Variants in TET1 observed in about 807,000 individuals in gnomAD.
The protein encoded by TET1 is methylcytosine dioxygenase TET1.
Under a neutral mutation model 148.7 loss-of-function variants are expected in TET1, and 13 were observed. That is an observed-to-expected ratio of 0.09 (90% CI 0.06 to 0.14). The LOEUF (loss-of-function observed/expected upper bound fraction) is 0.14. Ranked by LOEUF, TET1 falls within the 10% of genes least tolerant of loss-of-function variation. The probability of loss-of-function intolerance (pLI) is 1.00; values close to 1 mark genes in which losing one functional copy is unlikely to be tolerated. For synonymous variants in TET1, 907 were observed against 937.2 expected (o/e 0.97, Z 0.59); for missense variants, 2,182 against 2,553.8 (o/e 0.85, Z 3.14).
intron 6 of TET1, among the ~76,000 whole-genome samples, chr10:68,663,611 C>T (rs1246266739): frequency 6.6e-6 from 1 of 152,044 alleles, no homozygotes; most frequent in East Asian, 1.9e-4. Context: ...TCAAATAGGA[C>T]TGTAGAACAA....
At chr10:68,597,556 A>T (rs181069882) in intron 2 of TET1, among the ~76,000 whole-genome samples, 2 of 152,316 alleles carry the variant, frequency 1.3e-5, no homozygotes, top group Middle Eastern at 3.4e-3. Flanking sequence ...TATGGTAAAC[A>T]ATTTGGTAGT....
Position 68,693,007 on chromosome 10 carries a change from A to T in TET1, c.*1193A>T. ...CCTACTATCATCACATGCCTCCCCAACCCCAAGTCAAAAACAAGAGGAATG... is the reference window on the plus strand; with the variant it reads ...CCTACTATCATCACATGCCTCCCCATCCCCAAGTCAAAAACAAGAGGAATG... On this transcript the variant is annotated 3_prime_UTR_variant, in exon 12 of 12. Transcript: ENST00000373644. 1 of 230,352 alleles carries T rather than the reference A, an allele frequency of 4.3e-6. No individual in the cohort carries two copies. The highest frequency in any genetic ancestry group is 6.2e-5 in the East Asian group (1 of 16,260). The allele number at this position is 230,352 out of a possible 1,614,324, so 14.3% of individuals were successfully genotyped here. A position where few individuals can be genotyped will look rare whatever the true frequency, so the allele number is the denominator to read the frequency against.
At position 68,693,321 on chromosome 10, in the gene TET1, G is replaced by A. The variant is rs1447469481; in HGVS notation, c.*1507G>A. ...GCAGAGGTGCTATAACATTCAAAGT[G>A]TCAGATTCCTTGGGAGTATGGAAAA... On this transcript the variant is annotated 3_prime_UTR_variant, in exon 12 of 12. Coordinates refer to ENST00000373644, the MANE Select transcript of TET1 (RefSeq NM_030625.3). 1 of 233,060 alleles carries A rather than the reference G, an allele frequency of 4.3e-6. No individual in the cohort carries two copies. The highest frequency in any genetic ancestry group is 6.1e-5 in the East Asian group (1 of 16,496). The allele number at this position is 233,060 out of a possible 1,614,324, so 14.4% of individuals were successfully genotyped here.
intron 3 of TET1, among the ~76,000 whole-genome samples, chr10:68,642,045 A>T (rs1281243140): frequency 2.0e-5 from 3 of 152,226 alleles, no homozygotes; most frequent in African/African-American, 7.2e-5. Context: ...AAGTTTTCAA[A>T]TGTGTATACA....
chr10:68,626,129 A>AAGAC (rs1176997241), intron 3 of TET1, among the ~76,000 whole-genome samples: 1 of 148,872 alleles, frequency 6.7e-6, no homozygotes, highest in African/African-American at 2.5e-5. Flanking sequence ...AAGAAAAGAA[A>AAGAC]ATACTTAAAG....
At chr10:68,639,466 CTAT>C (rs76248128) in intron 3 of TET1, among the ~76,000 whole-genome samples, 51 of 113,158 alleles carry the variant, frequency 4.5e-4, no homozygotes, top group African/African-American at 1.3e-3. Context: ...ACTACTACTA[CTAT>C]TATTATTATT....
chr10:68,684,765 AT>A (rs1198206218), intron 10 of TET1, among the ~76,000 whole-genome samples: 2 of 151,184 alleles, frequency 1.3e-5, no homozygotes, highest in African/African-American at 2.4e-5. Flanking sequence ...TATTTTTTTT[AT>A]TTTTTTTATT....
At chr10:68,589,584 G>T (rs576666383) in intron 2 of TET1, among the ~76,000 whole-genome samples, 28 of 151,888 alleles carry the variant, frequency 1.8e-4, no homozygotes, top group Non-Finnish European at 3.4e-4. Flanking sequence ...GCTGACAGGA[G>T]TGAGCCACCT....
intron 2 of TET1, among the ~76,000 whole-genome samples, chr10:68,595,148 A>G (rs1275332813): frequency 6.9e-6 from 1 of 144,138 alleles, no homozygotes; most frequent in Non-Finnish European, 1.5e-5. Context: ...GTGAGACCCT[A>G]TCAAGAAAAA....
At chr10:68,624,642 TTCTTTCTTTCTTTCTTTCTCTCTC>T (rs1183696300) in intron 3 of TET1, among the ~76,000 whole-genome samples, 12 of 50,354 alleles carry the variant, frequency 2.4e-4, no homozygotes, top group African/African-American at 1.5e-3. Context: ...CTTTCTTTCT[TTCTTTCTTTCTTTCTTTCTCTCTC>T]TCTCTCTCTC....
chr10:68,654,644 T>G (rs1345291407), intron 6 of TET1, among the ~76,000 whole-genome samples: 3 of 151,618 alleles, frequency 2.0e-5, no homozygotes, highest in Non-Finnish European at 2.9e-5. Context: ...AAAACGAAAT[T>G]AAGGAGATAA....
intron 1 of TET1, among the ~76,000 whole-genome samples, chr10:68,571,285 C>T (rs991157614): frequency 1.4e-5 from 2 of 145,038 alleles, no homozygotes; most frequent in Admixed American, 1.4e-4. Context: ...CCACCACGCC[C>T]AGCCCTGTTA....
At chr10:68,615,356 C>CTTTCTTTTTTTTTT (rs1554936333) in intron 3 of TET1, among the ~76,000 whole-genome samples, 1 of 145,280 alleles carries the variant, frequency 6.9e-6, no homozygotes, top group African/African-American at 2.5e-5. Flanking sequence ...CTTTTCTTTT[C>CTTTCTTTTTTTTTT]TTTTTTTGAG....
chr10:68,569,467 C>G (rs2053643267), intron 1 of TET1, among the ~76,000 whole-genome samples: 1 of 152,108 alleles, frequency 6.6e-6, no homozygotes, highest in South Asian at 2.1e-4. Flanking sequence ...AATCACCACG[C>G]CTGGCCAGTT....
At chr10:68,632,632 G>A (rs2054591372) in intron 3 of TET1, 2 of 1,587,136 alleles carry the variant, frequency 1.3e-6, no homozygotes, top group African/African-American at 2.7e-5. Flanking sequence ...AAGAATCCAG[G>A]AAAGAATTGC....
At chr10:68,674,954 AG>A (rs2055329779) in intron 8 of TET1, 1 of 372,972 alleles carries the variant, frequency 2.7e-6, no homozygotes, top group South Asian at 2.4e-5. Context: ...TTGTTAGATA[AG>A]TTAAAATGCT....
chr10:68,675,826 A>G (rs1030307381), intron 8 of TET1, among the ~76,000 whole-genome samples: 1 of 152,102 alleles, frequency 6.6e-6, no homozygotes, highest in Non-Finnish European at 1.5e-5. Flanking sequence ...CAGGTGCCCA[A>G]TTAATACCTA....
intron 2 of TET1, among the ~76,000 whole-genome samples, chr10:68,596,015 C>CATATAT (rs1327782857): frequency 3.7e-5 from 4 of 107,894 alleles, no homozygotes; most frequent in African/African-American, 1.6e-4. Flanking sequence ...CACACACACA[C>CATATAT]ACACACACAC....
chr10:68,644,997 A>C lies in TET1; in HGVS notation c.2268A>C (p.Val756=). 6.2e-7 allele frequency: 1 copy of C among 1,613,736 alleles called. No homozygotes were observed. The highest frequency in any genetic ancestry group is 8.5e-7 in the Non-Finnish European group (1 of 1,179,816). The part of the protein sequence containing the change: ...TKSPKLFVQT[V]RNGIKHVHCL... Reference sequence around the variant, plus strand: ...CTCCAAAATTGTTTGTACAAACCGTAAGAAATGGCATTAAACATGTACACT... The same window carrying C: ...CTCCAAAATTGTTTGTACAAACCGTCAGAAATGGCATTAAACATGTACACT... Residue 756 remains valine (V), a synonymous_variant, in exon 4 of 12, where the codon GTA becomes GTC. Coordinates refer to ENST00000373644, the MANE Select transcript of TET1 (RefSeq NM_030625.3).
Sources: gnomAD v4.1 joint callset for allele counts (sites outside exome capture counted in the v4.1 genomes callset) on GRCh38, gnomAD v4.1.1 for gene constraint, MANE v1.5 for transcripts, NCBI Gene and HGNC (gene_info 2026-07-23, HGNC 2026-07-21) for gene names.